Variants in ARHGAP44 observed in about 807,000 individuals in gnomAD.
The protein encoded by ARHGAP44 is Rho GTPase activating protein 44.
Under a neutral mutation model 106.8 loss-of-function variants are expected in ARHGAP44, and 43 were observed. That is an observed-to-expected ratio of 0.40 (90% CI 0.32 to 0.52). ARHGAP44 has a LOEUF of 0.52. Among genes scored for constraint, ARHGAP44 ranks in the 20% least tolerant of loss-of-function variants. The probability of loss-of-function intolerance (pLI) is 0.48; values close to 1 mark genes in which losing one functional copy is unlikely to be tolerated. For missense variants in ARHGAP44, 866 were observed against 1,050.5 expected (o/e 0.82, Z 2.43); for synonymous variants, 439 against 410.3 (o/e 1.07, Z -0.85).
intron 1 of ARHGAP44, among the ~76,000 whole-genome samples, chr17:12,869,879 C>T (rs2036357688): frequency 6.6e-6 from 1 of 151,814 alleles, no homozygotes; most frequent in Non-Finnish European, 1.5e-5. Context: ...CAAATAAATG[C>T]CATCCTTTTT....
At chr17:12,849,425 A>G (rs754497697) in intron 1 of ARHGAP44, among the ~76,000 whole-genome samples, 2 of 151,918 alleles carry the variant, frequency 1.3e-5, no homozygotes, top group Non-Finnish European at 1.5e-5. Flanking sequence ...ACTCCTTAAC[A>G]TGTGTTTGTA....
intron 1 of ARHGAP44, among the ~76,000 whole-genome samples, chr17:12,862,911 G>T (rs2036129123): frequency 6.6e-6 from 1 of 152,006 alleles, no homozygotes; most frequent in African/African-American, 2.4e-5. Context: ...TGAGGTGGGA[G>T]ATTGAGGCTG....
At chr17:12,820,562 A>G (rs1389109467) in intron 1 of ARHGAP44, among the ~76,000 whole-genome samples, 1 of 152,132 alleles carries the variant, frequency 6.6e-6, no homozygotes, top group African/African-American at 2.4e-5. Context: ...TGGGAATACA[A>G]AAATGAAGAA....
chr17:12,965,263 G>A (rs1324073680), intron 16 of ARHGAP44, among the ~76,000 whole-genome samples: 2 of 152,086 alleles, frequency 1.3e-5, no homozygotes, highest in Non-Finnish European at 2.9e-5. Context: ...CCTGAAACCC[G>A]ACGCACCTAC....
intron 3 of ARHGAP44, among the ~76,000 whole-genome samples, chr17:12,899,802 T>A (rs540154141): frequency 1.3e-5 from 2 of 152,158 alleles, no homozygotes; most frequent in Non-Finnish European, 2.9e-5. Context: ...TGAGCACATG[T>A]AAGTTGCTAC....
chr17:12,964,843 C>G (rs1226132647), intron 16 of ARHGAP44, among the ~76,000 whole-genome samples: 4 of 152,094 alleles, frequency 2.6e-5, no homozygotes, highest in Non-Finnish European at 5.9e-5. Context: ...AGCATCACGT[C>G]CCTCCCTTCC....
intron 7 of ARHGAP44, 99 bp from the exon 8 acceptor site, chr17:12,940,957 A>C (rs2038690507): frequency 1.1e-6 from 1 of 933,764 alleles, no homozygotes; most frequent in Non-Finnish European, 1.6e-6. Flanking sequence ...GAGATTAAGC[A>C]GTGTTTAAGG....
At chr17:12,983,264 T>TA (rs56038306) in intron 19 of ARHGAP44, among the ~76,000 whole-genome samples, 53,960 of 95,694 alleles carry the variant, frequency 0.56, 16,511 homozygotes, top group Non-Finnish European at 0.68. Flanking sequence ...GACTCCATCT[T>TA]AAAAAAAAAA....
intron 3 of ARHGAP44, among the ~76,000 whole-genome samples, chr17:12,901,252 G>A (rs527863147): frequency 7.2e-5 from 11 of 152,060 alleles, no homozygotes; most frequent in South Asian, 2.1e-4. Flanking sequence ...AAACATAAAG[G>A]TGGCCAGAGT....
At chr17:12,989,968 A>T (rs2040079530) in intron 20 of ARHGAP44, 64 bp from the exon 21 acceptor site, 1 of 1,578,366 alleles carries the variant, frequency 6.3e-7, no homozygotes, top group Non-Finnish European at 8.7e-7. Flanking sequence ...TTATTTGCCT[A>T]CAACTAGGTT....
chr17:12,986,047 T>C (rs1329891785), intron 20 of ARHGAP44: 2 of 152,226 alleles, frequency 1.3e-5, no homozygotes, highest in African/African-American at 4.8e-5. Context: ...GGGGTTCAGC[T>C]CCGTGCTGCC....
chr17:12,906,544 G>T (rs1411902699), intron 3 of ARHGAP44, among the ~76,000 whole-genome samples: 1 of 152,232 alleles, frequency 6.6e-6, no homozygotes, highest in Non-Finnish European at 1.5e-5. Context: ...GTATTTATCA[G>T]TTAGGATATT....
intron 1 of ARHGAP44, among the ~76,000 whole-genome samples, chr17:12,811,963 A>G (rs1455502423): frequency 2.0e-5 from 3 of 152,116 alleles, no homozygotes; most frequent in Admixed American, 6.5e-5. Context: ...GCTGTTTCCA[A>G]CTGTATTCAC....
Position 12,990,860 on chromosome 17 carries a change from T to G in ARHGAP44, c.*689T>G, listed in dbSNP as rs536570446. 2 of 152,398 alleles carry G rather than the reference T, an allele frequency of 1.3e-5. No individual in the cohort carries two copies. Among genetic ancestry groups the G allele is most frequent in the South Asian group, 4.1e-4 (2 of 4,830 alleles). The allele number at this position is 152,398 out of a possible 1,614,324, so 9.4% of individuals were successfully genotyped here. A position where few individuals can be genotyped will look rare whatever the true frequency, so the allele number is the denominator to read the frequency against. On this transcript the variant is annotated 3_prime_UTR_variant, in exon 21 of 21. Transcript: ENST00000379672. ...ATATCATTTTATATTTCTGAATCTA[T>G]AAAACAAAACAAACAAGCCTGACAG... is the stretch of plus-strand genomic sequence containing the variant.
At chr17:12,986,924 CA>C (rs1432308502) in intron 20 of ARHGAP44, 1 of 603,922 alleles carries the variant, frequency 1.7e-6, no homozygotes, top group Non-Finnish European at 2.9e-6. Context: ...CTTTTGGCAG[CA>C]GACTGTTGTT....
At chr17:12,840,018 T>C (rs539443874) in intron 1 of ARHGAP44, among the ~76,000 whole-genome samples, 10 of 152,302 alleles carry the variant, frequency 6.6e-5, no homozygotes, top group African/African-American at 2.2e-4. Context: ...TCAACCTTTA[T>C]TGTTTTTTTA....
intron 1 of ARHGAP44, among the ~76,000 whole-genome samples, chr17:12,792,458 T>G (rs1246113338): frequency 6.6e-6 from 1 of 152,174 alleles, no homozygotes; most frequent in Non-Finnish European, 1.5e-5. Flanking sequence ...ATTAAAACGG[T>G]TTACCCCAGG....
At chr17:12,843,746 C>G (rs889206222) in intron 1 of ARHGAP44, among the ~76,000 whole-genome samples, 1 of 151,082 alleles carries the variant, frequency 6.6e-6, no homozygotes, top group African/African-American at 2.4e-5. Flanking sequence ...ACCACCACCA[C>G]CCAGGTTCAA....
intron 1 of ARHGAP44, among the ~76,000 whole-genome samples, chr17:12,888,531 G>A (rs368961513): frequency 1.7e-4 from 26 of 152,178 alleles, no homozygotes; most frequent in Middle Eastern, 3.4e-3. Context: ...TATATGTTCC[G>A]TGGAAACTGG....
Sources: allele counts gnomAD v4.1 joint callset (sites outside exome capture counted in the v4.1 genomes callset), GRCh38; gene constraint gnomAD v4.1.1; transcripts MANE v1.5; gene names NCBI Gene and HGNC (gene_info 2026-07-23, HGNC 2026-07-21).